Variants in USP47 observed in about 807,000 individuals in gnomAD.
USP47 encodes the protein ubiquitin carboxyl-terminal hydrolase 47.
Under a neutral mutation model 165.1 loss-of-function variants are expected in USP47, and 35 were observed. That is an observed-to-expected ratio of 0.21 (90% CI 0.16 to 0.28). The LOEUF (loss-of-function observed/expected upper bound fraction) is 0.28, where lower values mean the gene tolerates loss of function less well. Ranked by LOEUF, USP47 falls within the 10% of genes least tolerant of loss-of-function variation. USP47 has a pLI of 1.00. For synonymous variants in USP47, 531 were observed against 544.5 expected (o/e 0.98, Z 0.35); for missense variants, 1,277 against 1,607.4 (o/e 0.79, Z 3.52).
chr11:11,896,995 A>G (rs965263942), intron 4 of USP47, among the ~76,000 whole-genome samples: 1 of 151,764 alleles, frequency 6.6e-6, no homozygotes, highest in East Asian at 1.9e-4. Flanking sequence ...ATGCTGATCT[A>G]TAGAATTTCA....
chr11:11,944,691 C>T (rs1430718684), intron 20 of USP47, among the ~76,000 whole-genome samples: 1 of 152,128 alleles, frequency 6.6e-6, no homozygotes, highest in African/African-American at 2.4e-5. Flanking sequence ...ATATCATTAG[C>T]CACCACCCCA....
At chr11:11,902,677 C>G in intron 5 of USP47, 38 bp from the exon 6 acceptor site, 1 of 1,306,960 alleles carries the variant, frequency 7.7e-7, no homozygotes, top group Non-Finnish European at 1.0e-6. Flanking sequence ...ATAATAAAAT[C>G]ATTTTATAAA....
At chr11:11,877,867 G>A (rs10590881) in intron 1 of USP47, among the ~76,000 whole-genome samples, 49,749 of 133,848 alleles carry the variant, frequency 0.37, 9,276 homozygotes, top group East Asian at 0.57. Flanking sequence ...GTGCGCGCGC[G>A]CAGATAAGAT....
intron 3 of USP47, among the ~76,000 whole-genome samples, chr11:11,885,043 A>T (rs551584271): frequency 1.3e-5 from 2 of 152,308 alleles, no homozygotes; most frequent in Non-Finnish European, 2.9e-5. Context: ...TGACTGGTGT[A>T]TACATTAAAT....
intron 1 of USP47, among the ~76,000 whole-genome samples, chr11:11,845,745 T>C (rs374827542): frequency 3.3e-5 from 5 of 152,222 alleles, no homozygotes; most frequent in Non-Finnish European, 7.3e-5. Flanking sequence ...CACAGCATCA[T>C]TGGCAAGCTA....
At chr11:11,872,151 C>T (rs1341130040) in intron 1 of USP47, among the ~76,000 whole-genome samples, 3 of 152,120 alleles carry the variant, frequency 2.0e-5, no homozygotes, top group Non-Finnish European at 2.9e-5. Context: ...GGGCTGGAAT[C>T]GTCTGAAAGC....
Position 11,852,534 on chromosome 11 carries a change from G to A in USP47, c.39+10310G>A, listed in dbSNP as rs1038707423. 5.5e-4 allele frequency among the ~76,000 whole-genome samples: 84 copies of A among 152,170 alleles called. 3 individuals carry two copies. The highest frequency in any genetic ancestry group is 3.4e-3 in the Middle Eastern group (1 of 294). On this transcript the variant is annotated intron_variant, in intron 1 of 27. Transcript: ENST00000527733. ...CTTATGTTTTCCTTGCCCCAACCCT[G>A]GAATCAACCAGTTCTCCAAGGAGTT...
intron 20 of USP47, among the ~76,000 whole-genome samples, chr11:11,945,358 G>A (rs1855754076): frequency 6.6e-6 from 1 of 152,164 alleles, no homozygotes; most frequent in Admixed American, 6.5e-5. Context: ...AGGAAGAACA[G>A]GTAGACAATG....
rs1849698237 is a variant in USP47 at position 11,866,641 on chromosome 11, A to G, written c.40-13536A>G. On this transcript the variant is annotated intron_variant, in intron 1 of 27. Transcript: ENST00000527733. ...TTCTGGGGTCACTTTCTTTTTTCCT[A>G]TAATACATTTTTTAAGGAGTTTCTT... Among the ~76,000 whole-genome samples, 3 of 152,182 alleles carry G rather than the reference A, an allele frequency of 2.0e-5. No individual in the cohort carries two copies. In the South Asian group the frequency reaches 6.2e-4, roughly 32 times the overall value.
intron 5 of USP47, among the ~76,000 whole-genome samples, chr11:11,899,387 C>T (rs10831702): frequency 0.22 from 33,201 of 152,150 alleles, 4,342 homozygotes; most frequent in Non-Finnish European, 0.29. Context: ...ATGTATTGGA[C>T]ATTTACTGTG....
At chr11:11,876,967 T>C (rs1850465977) in intron 1 of USP47, among the ~76,000 whole-genome samples, 1 of 152,172 alleles carries the variant, frequency 6.6e-6, no homozygotes, top group Admixed American at 6.5e-5. Context: ...CAAGACGTAA[T>C]TGTTTTTACC....
chr11:11,899,039 T>C (rs1852023925), intron 5 of USP47, among the ~76,000 whole-genome samples: 1 of 152,226 alleles, frequency 6.6e-6, no homozygotes, highest in Non-Finnish European at 1.5e-5. Flanking sequence ...CTGCTAGAAG[T>C]TGCACCTAGT....
chr11:11,938,098 T>G lies in USP47; in HGVS notation c.2078-159T>G, dbSNP rs1309550075. On this transcript the variant is annotated intron_variant, in intron 17 of 27. Coordinates refer to ENST00000527733, the MANE Select transcript of USP47 (RefSeq NM_001282659.2). The stretch of plus-strand genomic sequence containing the variant: ...GCTGTGTCACCTTTAATATTTGTTT[T>G]GCAGTAACTGGTGATTTATATTTAT... Among the ~76,000 whole-genome samples the G allele has an allele frequency of 4.6e-5, 7 of 152,152 alleles. No homozygotes were observed. In the East Asian group the frequency reaches 1.2e-3, roughly 25 times the overall value.
chr11:11,905,949 AG>A (rs1412054485), intron 8 of USP47, among the ~76,000 whole-genome samples: 2 of 152,074 alleles, frequency 1.3e-5, no homozygotes, highest in Non-Finnish European at 2.9e-5. Flanking sequence ...AATTGGTAAA[AG>A]CACCTCTGGT....
At chr11:11,886,212 C>T (rs1851153685) in intron 3 of USP47, among the ~76,000 whole-genome samples, 1 of 152,228 alleles carries the variant, frequency 6.6e-6, no homozygotes, top group Non-Finnish European at 1.5e-5. Flanking sequence ...CGCAGTGCCT[C>T]TCCAGCAAGG....
At chr11:11,942,290 T>A in intron 19 of USP47, 45 bp from the exon 20 acceptor site, 1 of 1,513,576 alleles carries the variant, frequency 6.6e-7, no homozygotes. Context: ...TGAATGAGCA[T>A]GTCACTAAAA....
In USP47 at chr11:11,949,870, T is replaced by C; in HGVS notation, c.3349-19T>C. The C allele has an allele frequency of 6.5e-7, 1 of 1,532,516 alleles. No homozygotes were observed. The highest frequency in any genetic ancestry group is 1.1e-5 in the South Asian group (1 of 88,536). The allele number at this position is 1,532,516 out of a possible 1,614,324, so 94.9% of individuals were successfully genotyped here. The stretch of plus-strand genomic sequence containing the variant: ...TAAGGTATAATTCAAGCTCTGATTG[T>C]TTATGTTTATATTTCTAGCCATGCA... On this transcript the variant is annotated intron_variant, in intron 22 of 27. Coordinates refer to ENST00000527733, the MANE Select transcript of USP47 (RefSeq NM_001282659.2).
chr11:11,845,494 C>T (rs1450378461), intron 1 of USP47, among the ~76,000 whole-genome samples: 2 of 151,892 alleles, frequency 1.3e-5, no homozygotes, highest in African/African-American at 2.4e-5. Flanking sequence ...TGGTGCTTGG[C>T]GACATCTATT....
intron 10 of USP47, among the ~76,000 whole-genome samples, chr11:11,921,078 A>G (rs1350151388): frequency 6.6e-6 from 1 of 151,848 alleles, no homozygotes; most frequent in African/African-American, 2.4e-5. Flanking sequence ...TTGGCCTGCC[A>G]AAATTCTCTG....
Sources: allele counts gnomAD v4.1 joint callset (sites outside exome capture counted in the v4.1 genomes callset), GRCh38; gene constraint gnomAD v4.1.1; transcripts MANE v1.5; gene names NCBI Gene and HGNC (gene_info 2026-07-23, HGNC 2026-07-21).